The following SULT2B1 variants were observed in gnomAD, a reference collection of about 807,000 sequenced individuals.
SULT2B1 encodes the protein sulfotransferase family 2B member 1, also known as sulfotransferase 2B1.
A neutral mutation model predicts 33.2 loss-of-function variants in SULT2B1; 16 were observed. That is an observed-to-expected ratio of 0.48 (90% CI 0.33 to 0.73). SULT2B1 has a LOEUF of 0.73. Ranked by LOEUF, SULT2B1 falls within the 30% of genes least tolerant of loss-of-function variation. The probability of loss-of-function intolerance (pLI) is 0.02; values close to 1 mark genes in which losing one functional copy is unlikely to be tolerated. For synonymous variants in SULT2B1, 186 were observed against 200.5 expected (o/e 0.93, Z 0.61); for missense variants, 500 against 506.0 (o/e 0.99, Z 0.11).
At chr19:48,589,131 T>TGGCC (rs1051988811) in intron 3 of SULT2B1, among the ~76,000 whole-genome samples, 5 of 152,056 alleles carry the variant, frequency 3.3e-5, no homozygotes, top group Admixed American at 6.5e-5. Context: ...GAGGCGGCGC[T>TGGCC]GGCCGGGGTC....
intron 1 of SULT2B1, among the ~76,000 whole-genome samples, chr19:48,562,244 C>T (rs769691812): frequency 2.6e-5 from 4 of 152,028 alleles, no homozygotes; most frequent in Non-Finnish European, 5.9e-5. Flanking sequence ...AAAAATTAGC[C>T]AGGCGTGGTG....
chr19:48,592,770 A>G lies in SULT2B1; in HGVS notation c.599A>G (p.Lys200Arg). The change falls in exon 5 of 7, where the codon AAG (lysine) becomes AGG (arginine). Residue 200 changes from lysine to arginine, a missense_variant. Coordinates refer to ENST00000201586, the MANE Select transcript of SULT2B1 (RefSeq NM_177973.2). The stretch of plus-strand genomic sequence containing the variant: ...CACATTAAGGGCTGGCTTCGGATGA[A>G]GGGCAAAGACAACTTCCTATTTATC... ...FDHIKGWLRM[K>R]GKDNFLFITY... 1.9e-6 allele frequency: 3 copies of G among 1,596,860 alleles called. No individual in the cohort carries two copies. The highest frequency in any genetic ancestry group is 2.6e-6 in the Non-Finnish European group (3 of 1,171,292).
At chr19:48,588,170 A>G (rs1471635925) in intron 3 of SULT2B1, among the ~76,000 whole-genome samples, 2 of 149,134 alleles carry the variant, frequency 1.3e-5, no homozygotes, top group African/African-American at 5.0e-5. Flanking sequence ...AGATGGCACC[A>G]CTGCACTCCA....
At chr19:48,577,352 CTTT>C (rs1209521675) in intron 2 of SULT2B1, among the ~76,000 whole-genome samples, 8 of 30,646 alleles carry the variant, frequency 2.6e-4, no homozygotes, top group Non-Finnish European at 2.3e-4. Context: ...ACTGAGCCGT[CTTT>C]TTTTTTTTTT....
chr19:48,597,677 C>T (rs1426523506), intron 6 of SULT2B1, among the ~76,000 whole-genome samples: 1 of 80,166 alleles, frequency 1.2e-5, no homozygotes, highest in Non-Finnish European at 2.4e-5. Context: ...GAGTTTCACT[C>T]TTGTTGCCCA....
chr19:48,560,967 A>G (rs1973169274), intron 1 of SULT2B1, among the ~76,000 whole-genome samples: 2 of 149,338 alleles, frequency 1.3e-5, no homozygotes, highest in South Asian at 2.1e-4. Context: ...CGTCTCAAAA[A>G]TAAAAAAAAT....
chr19:48,596,962 G>C (rs780659441), intron 6 of SULT2B1, 43 bp downstream of exon 6: 1 of 1,519,350 alleles, frequency 6.6e-7, no homozygotes, highest in South Asian at 1.2e-5. Context: ...GCCACTGCCC[G>C]GCTGTGTGAC....
At chr19:48,583,015 G>T (rs1375211846) in intron 2 of SULT2B1, among the ~76,000 whole-genome samples, 1 of 147,950 alleles carries the variant, frequency 6.8e-6, no homozygotes, top group Non-Finnish European at 1.5e-5. Context: ...GCCAGGCGTG[G>T]TCGTGCATGC....
chr19:48,580,131 T>G (rs1412646727), intron 2 of SULT2B1, among the ~76,000 whole-genome samples: 1 of 149,006 alleles, frequency 6.7e-6, no homozygotes, highest in Non-Finnish European at 1.5e-5. Flanking sequence ...GAGATCTCAC[T>G]GTGTTGCCCA....
At chr19:48,560,100 C>A (rs112310330) in intron 1 of SULT2B1, among the ~76,000 whole-genome samples, 1 of 152,044 alleles carries the variant, frequency 6.6e-6, no homozygotes, top group Non-Finnish European at 1.5e-5. Flanking sequence ...GTCTGTGAAA[C>A]GGGCAATGAC....
At chr19:48,554,716 C>T (rs1288242404) in intron 1 of SULT2B1, among the ~76,000 whole-genome samples, 1 of 132,810 alleles carries the variant, frequency 7.5e-6, no homozygotes, top group Non-Finnish European at 1.6e-5. Flanking sequence ...CAGGCTGGAG[C>T]ACAGTGGAAC....
chr19:48,555,195 G>A (rs1411373983), intron 1 of SULT2B1, among the ~76,000 whole-genome samples: 3 of 152,162 alleles, frequency 2.0e-5, no homozygotes, highest in South Asian at 2.1e-4. Flanking sequence ...AGGTTCAAGC[G>A]ATTCTCCTGC....
At chr19:48,558,913 T>C (rs1168461807) in intron 1 of SULT2B1, among the ~76,000 whole-genome samples, 2 of 152,072 alleles carry the variant, frequency 1.3e-5, no homozygotes, top group Admixed American at 6.6e-5. Context: ...CTCAAACTCC[T>C]GACCTCGGAT....
chr19:48,567,042 T>G (rs1973253741), intron 1 of SULT2B1, among the ~76,000 whole-genome samples: 1 of 152,006 alleles, frequency 6.6e-6, no homozygotes, highest in African/African-American at 2.4e-5. Context: ...CAGAGATGCA[T>G]GTATAACCCA....
At chr19:48,556,448 C>T (rs779710663) in intron 1 of SULT2B1, among the ~76,000 whole-genome samples, 17 of 151,840 alleles carry the variant, frequency 1.1e-4, no homozygotes, top group Middle Eastern at 3.4e-3. Flanking sequence ...GCAGGGAGTG[C>T]TGGGAAAGGG....
At chr19:48,593,645 T>G (rs1305699178) in intron 5 of SULT2B1, among the ~76,000 whole-genome samples, 2 of 151,762 alleles carry the variant, frequency 1.3e-5, no homozygotes, top group African/African-American at 4.8e-5. Context: ...TTAATTTATT[T>G]ATTTTTGAGA....
chr19:48,574,205 C>T (rs1973371797), intron 1 of SULT2B1, among the ~76,000 whole-genome samples: 1 of 152,294 alleles, frequency 6.6e-6, no homozygotes, highest in Middle Eastern at 3.4e-3. Flanking sequence ...AGGCTGAGAA[C>T]TGCTACAGCA....
intron 1 of SULT2B1, among the ~76,000 whole-genome samples, chr19:48,558,265 G>A (rs1242976041): frequency 6.6e-6 from 1 of 152,210 alleles, no homozygotes; most frequent in Non-Finnish European, 1.5e-5. Flanking sequence ...GCCCTGGATG[G>A]GGAACTTGGG....
At position 48,599,206 on chromosome 19, in the gene SULT2B1, C is replaced by A. The variant is rs1326025448; in HGVS notation, c.898C>A (p.Gln300Lys). ...SEAFDRAYRK[Q>K]MRGMPTFPWD... Reference sequence around the variant, plus strand: ...AGCCTTCGATCGTGCCTACCGCAAGCAGATGCGGGGGATGCCGACCTTCCC... The same window carrying A: ...AGCCTTCGATCGTGCCTACCGCAAGAAGATGCGGGGGATGCCGACCTTCCC... Residue 300 changes from glutamine (Q) to lysine (K), a missense_variant, in exon 7 of 7, where the codon CAG (glutamine) becomes AAG (lysine). Physicochemically the swap from Gln to Lys is moderately conservative, Grantham distance 53. Transcript: ENST00000201586. This position sits in a 1 kb window ranked among gnomAD's most constrained non-coding sequence, Gnocchi z 4.1. 1 of 1,606,330 alleles carries A rather than the reference C, an allele frequency of 6.2e-7. No homozygotes were observed. Among genetic ancestry groups the A allele is most frequent in the Admixed American group, 1.7e-5 (1 of 59,368 alleles).
Sources: allele counts gnomAD v4.1 joint callset (sites outside exome capture counted in the v4.1 genomes callset), GRCh38; gene constraint gnomAD v4.1.1; non-coding constraint Gnocchi (gnomAD v3.1); transcripts MANE v1.5; gene names NCBI Gene and HGNC (gene_info 2026-07-23, HGNC 2026-07-21).